The following PLA2G7 variants were observed in gnomAD, a reference collection of about 807,000 sequenced individuals.
The protein encoded by PLA2G7 is phospholipase A2 group VII.
PLA2G7 carries 63 observed loss-of-function variants against 49.6 expected under a neutral mutation model. The ratio of observed to expected loss-of-function variants is 1.27; its 90% confidence interval spans 1.04 to 1.57. PLA2G7 has a LOEUF of 1.57. Ranked by LOEUF, PLA2G7 falls within the 40% of genes most tolerant of loss-of-function variation. The probability of loss-of-function intolerance (pLI) is 0.00; values close to 1 mark genes in which losing one functional copy is unlikely to be tolerated. For synonymous variants in PLA2G7, 193 were observed against 169.9 expected, an observed-to-expected ratio of 1.14 and a Z score of -1.06; for missense variants, 596 against 521.2, an observed-to-expected ratio of 1.14 and a Z score of -1.40.
At chr6:46,710,134 C>T (rs1764963002) in intron 8 of PLA2G7, among the ~76,000 whole-genome samples, 1 of 152,152 alleles carries the variant, frequency 6.6e-6, no homozygotes, top group Non-Finnish European at 1.5e-5. Context: ...CCCTGCACTT[C>T]ACATGCCACA....
At chr6:46,707,886 A>G in intron 10 of PLA2G7, 105 bp downstream of exon 10, 1 of 710,390 alleles carries the variant, frequency 1.4e-6, no homozygotes, top group South Asian at 1.7e-5. Flanking sequence ...TGAAAGTCTA[A>G]ACAACCAATT....
chr6:46,723,495 G>C (rs559703244), intron 1 of PLA2G7, among the ~76,000 whole-genome samples: 14 of 152,286 alleles, frequency 9.2e-5, no homozygotes, highest in African/African-American at 2.9e-4. Context: ...AGAGGGCCTG[G>C]AAGAAGTAGT....
intron 8 of PLA2G7, 121 bp downstream of exon 8, chr6:46,710,424 T>G: frequency 1.4e-6 from 1 of 705,514 alleles, no homozygotes. Flanking sequence ...TGTGTGCGCA[T>G]TGGGGAGGGG....
In PLA2G7 at chr6:46,705,293, A is replaced by T. The variant is rs1039114096; in HGVS notation, c.1049T>A (p.Val350Asp). The T allele has an allele frequency of 6.8e-6, 11 of 1,611,388 alleles. No homozygotes were observed. In the African/African-American group the frequency reaches 1.5e-4, roughly 22 times the overall value. The change falls in exon 11 of 12, where the codon GTC becomes GAC. Residue 350 changes from valine (V) to aspartate (D), a missense_variant. By Grantham distance (152) the Val-to-Asp change is radical. Coordinates refer to ENST00000274793, the MANE Select transcript of PLA2G7 (RefSeq NM_005084.4). ...AGTGAAGTCAGCAAAATTCTGGTGG[A>T]CTGAACCCCTAAAAGAGAACAAGAC... Reference protein sequence around the residue: ...ERKMITIRGSVHQNFADFTFA... With the variant: ...ERKMITIRGSDHQNFADFTFA...
chr6:46,721,525 G>A (rs548158562), intron 2 of PLA2G7, among the ~76,000 whole-genome samples: 2 of 151,924 alleles, frequency 1.3e-5, no homozygotes, highest in Admixed American at 6.6e-5. Flanking sequence ...CCAATTAAAA[G>A]TGAAGGATAT....
At chr6:46,726,734 C>T (rs1199474357) in intron 1 of PLA2G7, among the ~76,000 whole-genome samples, 1 of 152,076 alleles carries the variant, frequency 6.6e-6, no homozygotes, top group Non-Finnish European at 1.5e-5. Flanking sequence ...CTCCGCCTTC[C>T]AGGTTCAAGT....
At chr6:46,719,478 T>G (rs1273117117) in intron 2 of PLA2G7, among the ~76,000 whole-genome samples, 2 of 152,154 alleles carry the variant, frequency 1.3e-5, no homozygotes, top group Non-Finnish European at 2.9e-5. Flanking sequence ...TAAGAGACAC[T>G]GGGCTGAAGT....
chr6:46,705,297 A>G lies in PLA2G7; in HGVS notation c.1045T>C (p.Ser349Pro). ...AAGTCAGCAAAATTCTGGTGGACTG[A>G]ACCCCTAAAAGAGAACAAGACATTT... ...KERKMITIRG[S>P]VHQNFADFTF... Residue 349 changes from serine (S) to proline (P), a missense_variant, in exon 11 of 12, where the codon TCA (serine) becomes CCA (proline). Transcript: ENST00000274793. The G allele has an allele frequency of 6.2e-7, 1 of 1,610,688 alleles. No homozygotes were observed. The highest frequency in any genetic ancestry group is 8.5e-7 in the Non-Finnish European group (1 of 1,177,244).
chr6:46,722,988 C>A (rs140522660), intron 1 of PLA2G7, 63 bp from the exon 2 acceptor site: 2 of 734,066 alleles, frequency 2.7e-6, no homozygotes, highest in African/African-American at 3.5e-5. Flanking sequence ...AATAAGCTGA[C>A]AAATCAAGAA....
intron 1 of PLA2G7, among the ~76,000 whole-genome samples, chr6:46,726,770 T>A (rs1765586934): frequency 6.6e-6 from 1 of 151,952 alleles, no homozygotes; most frequent in Non-Finnish European, 1.5e-5. Flanking sequence ...GCCTTCTGAG[T>A]AGCTGGGATT....
In PLA2G7 at chr6:46,711,478, C is replaced by A. The variant is rs777923006; in HGVS notation, c.663+18G>T. ...TGCTTTTAGGTCACCAACCACCTCT[C>A]CTTTCACTGCAATGTACCTGCTCAT... On this transcript the variant is annotated intron_variant, in intron 7 of 11. Coordinates refer to ENST00000274793, the MANE Select transcript of PLA2G7 (RefSeq NM_005084.4). 6.2e-7 allele frequency: 1 copy of A among 1,613,076 alleles called. No individual in the cohort carries two copies. The highest frequency in any genetic ancestry group is 1.3e-5 in the African/African-American group (1 of 74,872).
At chr6:46,704,768 G>A (rs2150689079) in intron 11 of PLA2G7, 72 bp from the exon 12 acceptor site, 1 of 923,528 alleles carries the variant, frequency 1.1e-6, no homozygotes, top group Non-Finnish European at 1.8e-6. Flanking sequence ...CCCCTAGGTG[G>A]CAATAAAGAT....
At chr6:46,733,470 A>C (rs1765796156) in intron 1 of PLA2G7, among the ~76,000 whole-genome samples, 1 of 152,216 alleles carries the variant, frequency 6.6e-6, no homozygotes, top group African/African-American at 2.4e-5. Flanking sequence ...GCAGTCACAG[A>C]CTATGGTGCC....
chr6:46,721,792 T>C (rs3799861), intron 2 of PLA2G7, among the ~76,000 whole-genome samples: 124,785 of 151,772 alleles, frequency 0.82, 51,418 homozygotes, highest in East Asian at 0.89. Context: ...CCTCTCCTAA[T>C]GCATTCATTT....
At chr6:46,729,846 TA>T in intron 1 of PLA2G7, among the ~76,000 whole-genome samples, 1 of 152,344 alleles carries the variant, frequency 6.6e-6, no homozygotes, top group East Asian at 1.9e-4. Flanking sequence ...AGTGGGGGCA[TA>T]AATCATCCTC....
rs200357212 is a variant in PLA2G7, at chr6:46,704,330, T to C, written c.*230A>G. 7.7e-6 allele frequency: 4 copies of C among 521,050 alleles called. No homozygotes were observed. Among genetic ancestry groups the C allele is most frequent in the Non-Finnish European group, 1.4e-5 (4 of 289,184 alleles). The allele number at this position is 521,050 out of a possible 1,614,324, so 32.3% of individuals were successfully genotyped here. A position where few individuals can be genotyped will look rare whatever the true frequency, so the allele number is the denominator to read the frequency against. ...TTAGGCTGATATGAATATTGTATAC[T>C]GTATTCTTTCTTTACATCTAAAGGG... On this transcript the variant is annotated 3_prime_UTR_variant, in exon 12 of 12. Transcript: ENST00000274793.
intron 2 of PLA2G7, 109 bp from the exon 3 acceptor site, chr6:46,717,205 T>C (rs1765238699): frequency 1.0e-6 from 1 of 1,002,842 alleles, no homozygotes; most frequent in Admixed American, 1.8e-5. Context: ...TCTGGCCTTC[T>C]TTCTTTCTCA....
rs147067799 is a variant in PLA2G7 at position 46,732,804 on chromosome 6, C to A, written c.-35+2376G>T. Among the ~76,000 whole-genome samples, 139 of 152,208 alleles carry A rather than the reference C, an allele frequency of 9.1e-4. 2 individuals are homozygous for A. Among genetic ancestry groups the A allele is most frequent in the Non-Finnish European group, 4.7e-4 (32 of 68,016 alleles). On this transcript the variant is annotated intron_variant, in intron 1 of 11. Transcript: ENST00000274793. ...CATAATGTGTCTAACAGGTGGCTGG[C>A]GTCATGAAGAAAGTCAGTAAGAACC... is the stretch of plus-strand genomic sequence containing the variant.
At chr6:46,727,301 T>G (rs938769530) in intron 1 of PLA2G7, among the ~76,000 whole-genome samples, 1 of 152,106 alleles carries the variant, frequency 6.6e-6, no homozygotes, top group Non-Finnish European at 1.5e-5. Context: ...CCCAAAACAA[T>G]AGATAAAATG....
Sources: allele counts gnomAD v4.1 joint callset (sites outside exome capture counted in the v4.1 genomes callset), GRCh38; gene constraint gnomAD v4.1.1; transcripts MANE v1.5; gene names NCBI Gene and HGNC (gene_info 2026-07-23, HGNC 2026-07-21).